Variants in DNAH5 observed in about 807,000 individuals in gnomAD.
DNAH5 encodes axonemal beta dynein heavy chain 5.
Under a neutral mutation model 518.2 loss-of-function variants are expected in DNAH5, and 372 were observed. The observed-to-expected ratio is 0.72, with a 90% CI of 0.66 to 0.78. The LOEUF is 0.78. Among genes scored for constraint, DNAH5 ranks in the 30% least tolerant of loss-of-function variants. The pLI is 0.00. For missense variants in DNAH5, 5,523 were observed against 5,687.0 expected (o/e 0.97, Z 0.93); for synonymous variants, 2,039 against 2,025.9 (o/e 1.01, Z -0.17).
At chr5:13,926,974 A>G (rs1440007130) in intron 3 of DNAH5, among the ~76,000 whole-genome samples, 2 of 152,228 alleles carry the variant, frequency 1.3e-5, no homozygotes, top group Non-Finnish European at 2.9e-5. Flanking sequence ...ATTTGCATGC[A>G]TAATTTCTTC....
At chr5:13,862,786 T>TCACACGTC (rs1486127533) in intron 28 of DNAH5, 39 bp from the exon 29 acceptor site, 2 of 1,551,536 alleles carry the variant, frequency 1.3e-6, no homozygotes. Flanking sequence ...TGCATGAAAG[T>TCACACGTC]CACACGTCCT....
intron 70 of DNAH5, among the ~76,000 whole-genome samples, chr5:13,722,286 A>C (rs1196755653): frequency 6.6e-6 from 1 of 152,202 alleles, no homozygotes; most frequent in Non-Finnish European, 1.5e-5. Flanking sequence ...ACTTTAAAAC[A>C]TCAGAGTTTG....
intron 60 of DNAH5, among the ~76,000 whole-genome samples, chr5:13,761,821 G>A (rs1300657240): frequency 1.3e-5 from 2 of 152,166 alleles, no homozygotes; most frequent in African/African-American, 2.4e-5. Context: ...CCTTTAGGTT[G>A]TCCTGGGACC....
At chr5:13,958,733 A>G (rs905910511) in intron 1 of DNAH5, among the ~76,000 whole-genome samples, 10 of 152,242 alleles carry the variant, frequency 6.6e-5, no homozygotes, top group African/African-American at 2.4e-4. Context: ...AACAAAAACG[A>G]TAGTTAAAGG....
chr5:13,820,935 CAG>C (rs985061489), intron 40 of DNAH5, among the ~76,000 whole-genome samples: 1 of 150,668 alleles, frequency 6.6e-6, no homozygotes, highest in Non-Finnish European at 1.5e-5. Context: ...TTAATGAGTA[CAG>C]AGTTTCAATT....
chr5:13,738,256 A>G (rs978627282), intron 65 of DNAH5, among the ~76,000 whole-genome samples: 1 of 100,564 alleles, frequency 9.9e-6, no homozygotes, highest in African/African-American at 5.7e-5. Context: ...TTATATATAT[A>G]AAATCTTCTT....
Position 13,820,507 on chromosome 5 carries a change from CATA to C in DNAH5, c.6688-11_6688-9del, listed in dbSNP as rs1762075836. 6.2e-7 allele frequency: 1 copy of C among 1,613,760 alleles called. No homozygotes were observed. Among genetic ancestry groups the C allele is most frequent in the African/African-American group, 1.3e-5 (1 of 75,040 alleles). On this transcript the variant is annotated splice_polypyrimidine_tract_variant and intron_variant, in intron 40 of 78. Transcript: ENST00000265104. ...TAAACCAGCTTCTTCAACCTGAAAA[CATA>C]AGAGAATCCCCACATTGAAACACAA...
intron 3 of DNAH5, 40 bp downstream of exon 3, chr5:13,928,054 A>G: frequency 6.6e-7 from 1 of 1,518,320 alleles, no homozygotes; most frequent in Non-Finnish European, 9.2e-7. Context: ...GATAAATCTA[A>G]TAACACATTT....
chr5:13,891,371 T>C (rs1773193078), intron 16 of DNAH5, among the ~76,000 whole-genome samples: 1 of 152,242 alleles, frequency 6.6e-6, no homozygotes, highest in Non-Finnish European at 1.5e-5. Context: ...AATTTGATTA[T>C]GATCATTCTT....
chr5:13,810,315 C>T, intron 44 of DNAH5, 55 bp from the exon 45 acceptor site: 1 of 1,484,078 alleles, frequency 6.7e-7, no homozygotes, highest in Non-Finnish European at 9.2e-7. Context: ...CCAAACGTTG[C>T]TCTAGGGTTT....
chr5:13,782,852 A>G (rs1755391413), intron 52 of DNAH5, among the ~76,000 whole-genome samples: 1 of 152,226 alleles, frequency 6.6e-6, no homozygotes, highest in Non-Finnish European at 1.5e-5. Flanking sequence ...TGAGACCCTC[A>G]AATAGGGCTA....
intron 78 of DNAH5, among the ~76,000 whole-genome samples, chr5:13,698,092 T>G (rs1255412374): frequency 6.6e-6 from 1 of 152,212 alleles, no homozygotes; most frequent in Non-Finnish European, 1.5e-5. Context: ...GTCCAGCTCC[T>G]GGTGCCCCTC....
chr5:13,922,434 T>G, intron 4 of DNAH5, 106 bp from the exon 5 acceptor site: 1 of 1,196,120 alleles, frequency 8.4e-7, no homozygotes, highest in Non-Finnish European at 1.2e-6. Context: ...ACCCAGTAAA[T>G]TATTAGTTTG....
chr5:13,862,607 C>T lies in DNAH5; in HGVS notation c.4737G>A (p.Ser1579=), dbSNP rs938971019. The T allele has an allele frequency of 1.5e-5, 24 of 1,613,832 alleles. No individual in the cohort carries two copies. Among genetic ancestry groups the T allele is most frequent in the Non-Finnish European group, 1.9e-5 (23 of 1,179,960 alleles). The change falls in exon 29 of 79, where the codon TCG becomes TCA. Residue 1579 remains serine (S), a synonymous_variant. Transcript: ENST00000265104. ...TGTCCTCCATGTTGGCGATGATTTC[C>T]GAGGTACTGTCTCCTCTCAAGAGGA... ...GELLLRGDST[S]EIIANMEDSL...
At chr5:13,816,337 A>G (rs1458528296) in intron 42 of DNAH5, among the ~76,000 whole-genome samples, 1 of 152,176 alleles carries the variant, frequency 6.6e-6, no homozygotes, top group Non-Finnish European at 1.5e-5. Context: ...TAATTTCTCA[A>G]CTACTACCTT....
chr5:13,948,435 A>G (rs1347625876), upstream of DNAH5, among the ~76,000 whole-genome samples: 4 of 152,150 alleles, frequency 2.6e-5, no homozygotes, highest in Non-Finnish European at 4.4e-5. Flanking sequence ...TCATCTGATA[A>G]TGGATTAGGT....
intron 1 of DNAH5, among the ~76,000 whole-genome samples, chr5:13,996,915 G>A (rs536760844): frequency 3.2e-4 from 48 of 152,326 alleles, no homozygotes; most frequent in African/African-American, 1.1e-3. Flanking sequence ...CGTTCTGCCA[G>A]GCATTACCTA....
intron 78 of DNAH5, among the ~76,000 whole-genome samples, chr5:13,693,577 T>A (rs2126345777): frequency 6.6e-6 from 1 of 152,328 alleles, no homozygotes; most frequent in African/African-American, 2.4e-5. Context: ...ACGGAGGACA[T>A]TTGCCAATAT....
chr5:13,944,684 T>G lies in DNAH5; in HGVS notation c.-246A>C. On this transcript the variant is annotated 5_prime_UTR_variant, in exon 1 of 79. Coordinates refer to ENST00000265104, the MANE Select transcript of DNAH5 (RefSeq NM_001369.3). The stretch of plus-strand genomic sequence containing the variant: ...CTCTCCTCTCTCTCGAAGCCTGGTG[T>G]TGTTAGGGTAATATTGTTTATACAC... The G allele has an allele frequency of 3.6e-6, 2 of 548,974 alleles. No individual in the cohort carries two copies. Among genetic ancestry groups the G allele is most frequent in the Non-Finnish European group, 6.6e-6 (2 of 304,744 alleles). The allele number at this position is 548,974 out of a possible 1,614,324, so 34.0% of individuals were successfully genotyped here. A position where few individuals can be genotyped will look rare whatever the true frequency, so the allele number is the denominator to read the frequency against.
Sources: allele counts gnomAD v4.1 joint callset (sites outside exome capture counted in the v4.1 genomes callset), GRCh38; gene constraint gnomAD v4.1.1; transcripts MANE v1.5; gene names NCBI Gene and HGNC (gene_info 2026-07-23, HGNC 2026-07-21).